The following DLG2 variants were observed in gnomAD, a reference collection of about 807,000 sequenced individuals.
DLG2 encodes discs large MAGUK scaffold protein 2.
Under a neutral mutation model 132.5 loss-of-function variants are expected in DLG2, and 45 were observed. That is an observed-to-expected ratio of 0.34 (90% CI 0.27 to 0.44). The LOEUF is 0.44. Ranked by LOEUF, DLG2 falls within the 20% of genes least tolerant of loss-of-function variation. DLG2 has a pLI of 1.00. For missense variants in DLG2, 1,045 were observed against 1,196.9 expected (o/e 0.87, Z 1.87); for synonymous variants, 424 against 419.6 (o/e 1.01, Z -0.13).
intron 6 of DLG2, among the ~76,000 whole-genome samples, chr11:84,910,623 T>C (rs761074374): frequency 5.9e-5 from 9 of 152,098 alleles, no homozygotes; most frequent in Admixed American, 3.9e-4. Context: ...GGAAAAGATA[T>C]AGAATTTGGC....
At chr11:84,962,623 A>G (rs1327003258) in intron 6 of DLG2, among the ~76,000 whole-genome samples, 1 of 152,206 alleles carries the variant, frequency 6.6e-6, no homozygotes, top group Admixed American at 6.5e-5. Context: ...AAGAAATACC[A>G]TACTGCTTAG....
intron 3 of DLG2, among the ~76,000 whole-genome samples, chr11:85,532,233 T>C (rs1390939028): frequency 6.6e-6 from 1 of 152,212 alleles, no homozygotes. Flanking sequence ...AATGTTTATA[T>C]GTCTTTTAAT....
chr11:83,822,632 A>C (rs115153439), intron 17 of DLG2, among the ~76,000 whole-genome samples: 1,984 of 152,266 alleles, frequency 0.013, 64 homozygotes, highest in African/African-American at 0.045. Context: ...GAGATTTTTC[A>C]TGGCAGTGTG....
At chr11:84,945,008 T>A (rs960872612) in intron 6 of DLG2, among the ~76,000 whole-genome samples, 4 of 152,246 alleles carry the variant, frequency 2.6e-5, no homozygotes, top group African/African-American at 9.6e-5. Context: ...AAAGGTCACG[T>A]ATCTCTGTCA....
intron 18 of DLG2, among the ~76,000 whole-genome samples, chr11:83,733,001 G>A (rs1423328513): frequency 2.0e-5 from 3 of 152,100 alleles, no homozygotes; most frequent in South Asian, 2.1e-4. Flanking sequence ...CAGCACTTTC[G>A]GAGGCTGAGG....
intron 3 of DLG2, among the ~76,000 whole-genome samples, chr11:85,490,465 A>G (rs760422801): frequency 6.6e-6 from 1 of 152,014 alleles, no homozygotes; most frequent in Non-Finnish European, 1.5e-5. Context: ...GCAGAACTAA[A>G]TGACAAAAAA....
intron 16 of DLG2, among the ~76,000 whole-genome samples, chr11:83,852,880 C>T (rs921473438): frequency 2.6e-5 from 4 of 152,292 alleles, no homozygotes; most frequent in South Asian, 4.1e-4. Context: ...TTTCATTGAT[C>T]TTACTGACCT....
intron 21 of DLG2, among the ~76,000 whole-genome samples, chr11:83,492,110 G>A (rs1247939185): frequency 6.6e-6 from 1 of 151,984 alleles, no homozygotes; most frequent in African/African-American, 2.4e-5. Flanking sequence ...TTTACTCTCT[G>A]GCCCGTTACA....
At chr11:85,613,082 A>C (rs1324623561) in intron 2 of DLG2, among the ~76,000 whole-genome samples, 1 of 152,230 alleles carries the variant, frequency 6.6e-6, no homozygotes, top group Non-Finnish European at 1.5e-5. Context: ...TTCTGAAATC[A>C]GAAAACGCCT....
At chr11:84,211,163 T>C (rs551490930) in intron 8 of DLG2, among the ~76,000 whole-genome samples, 1 of 152,328 alleles carries the variant, frequency 6.6e-6, no homozygotes, top group East Asian at 1.9e-4. Flanking sequence ...AAAGTGATTA[T>C]AGTCATCTCA....
intron 6 of DLG2, among the ~76,000 whole-genome samples, chr11:84,943,167 CGTGTGTGTGTGTGT>C (rs201404405): frequency 2.2e-5 from 3 of 137,800 alleles, no homozygotes; most frequent in Non-Finnish European, 4.8e-5. Flanking sequence ...TGTGTGTGTG[CGTGTGTGTGTGTGT>C]GTGTGTGTGT....
At chr11:84,331,454 A>T (rs59656168) in intron 7 of DLG2, among the ~76,000 whole-genome samples, 37,852 of 111,818 alleles carry the variant, frequency 0.34, 5,355 homozygotes, top group African/African-American at 0.43. Flanking sequence ...AAAAAAAAAA[A>T]AAAAAAATAA....
intron 15 of DLG2, among the ~76,000 whole-genome samples, chr11:83,884,599 T>C (rs991557972): frequency 1.3e-5 from 2 of 152,152 alleles, no homozygotes; most frequent in African/African-American, 4.8e-5. Flanking sequence ...GCAGTGGTTC[T>C]CCCAGGATGC....
intron 19 of DLG2, among the ~76,000 whole-genome samples, chr11:83,571,208 T>A (rs1171374021): frequency 1.5e-5 from 2 of 136,746 alleles, no homozygotes; most frequent in Non-Finnish European, 3.0e-5. Context: ...TAAATATGGG[T>A]TTTTTTCTTT....
chr11:84,100,682 T>G (rs2154181491), intron 9 of DLG2, among the ~76,000 whole-genome samples: 1 of 152,182 alleles, frequency 6.6e-6, no homozygotes, highest in Non-Finnish European at 1.5e-5. Context: ...ATCATTTGAT[T>G]AATTTCCACT....
chr11:84,823,595 AC>A (rs2077967918), intron 6 of DLG2, among the ~76,000 whole-genome samples: 1 of 149,714 alleles, frequency 6.7e-6, no homozygotes, highest in African/African-American at 2.5e-5. Context: ...ACACACACAC[AC>A]ACACACACAC....
intron 4 of DLG2, among the ~76,000 whole-genome samples, chr11:85,238,209 A>AT (rs2075692035): frequency 1.1e-4 from 1 of 9,488 alleles, no homozygotes; most frequent in Admixed American, 1.9e-3. Flanking sequence ...TTTTTATTTT[A>AT]TTTATTTATT....
chr11:85,388,063 C>T (rs1350712033), intron 3 of DLG2, among the ~76,000 whole-genome samples: 2 of 152,168 alleles, frequency 1.3e-5, no homozygotes, highest in East Asian at 3.9e-4. Context: ...CTCAGCCCTG[C>T]TCACTGGCTG....
chr11:85,093,891 T>C (rs903097432), intron 6 of DLG2, among the ~76,000 whole-genome samples: 1 of 152,208 alleles, frequency 6.6e-6, no homozygotes, highest in Non-Finnish European at 1.5e-5. Context: ...ATTCCACCCC[T>C]TATCAACTTG....
Sources: gnomAD v4.1 joint callset for allele counts (sites outside exome capture counted in the v4.1 genomes callset) on GRCh38, gnomAD v4.1.1 for gene constraint, MANE v1.5 for transcripts, NCBI Gene and HGNC (gene_info 2026-07-23, HGNC 2026-07-21) for gene names.